Variants in SPPL3 observed in about 807,000 individuals in gnomAD.
SPPL3 encodes the protein signal peptide peptidase like 3.
Under a neutral mutation model 42.4 loss-of-function variants are expected in SPPL3, and 5 were observed. That is an observed-to-expected ratio of 0.12 (90% confidence interval 0.06 to 0.25). The LOEUF is 0.25. SPPL3 is among the 10% of genes least tolerant of loss of function. The pLI is 1.00. For missense variants in SPPL3, 235 were observed against 489.0 expected (o/e 0.48, Z 4.90); for synonymous variants, 195 against 181.8 (o/e 1.07, Z -0.58).
At chr12:120,835,425 G>C (rs941317920) in intron 1 of SPPL3, 2 of 152,234 alleles carry the variant, frequency 1.3e-5, no homozygotes, top group African/African-American at 4.8e-5. Context: ...GTTAGTCATA[G>C]ATGTTATACA....
At chr12:120,770,976 C>G (rs755919029) in intron 6 of SPPL3, among the ~76,000 whole-genome samples, 1 of 152,172 alleles carries the variant, frequency 6.6e-6, no homozygotes, top group African/African-American at 2.4e-5. Flanking sequence ...TCCAATTGTG[C>G]AGACGGAAAT....
chr12:120,839,826 A>G (rs1231406953), intron 1 of SPPL3, among the ~76,000 whole-genome samples: 1 of 152,198 alleles, frequency 6.6e-6, no homozygotes, highest in Non-Finnish European at 1.5e-5. Flanking sequence ...AGTCAAGAGA[A>G]TTGAAAACAC....
chr12:120,894,726 ACC>A (rs1414816185), intron 1 of SPPL3, among the ~76,000 whole-genome samples: 2 of 152,046 alleles, frequency 1.3e-5, no homozygotes, highest in African/African-American at 4.8e-5. Flanking sequence ...CGGGTGGATC[ACC>A]TGAGGTCGGG....
intron 6 of SPPL3, among the ~76,000 whole-genome samples, chr12:120,773,897 T>C (rs1212571846): frequency 2.6e-5 from 4 of 152,202 alleles, no homozygotes; most frequent in African/African-American, 9.6e-5. Context: ...GGCCGCCGCG[T>C]CTGGCCCTTC....
chr12:120,893,128 T>C lies in SPPL3; in HGVS notation c.23+10717A>G, dbSNP rs1034954386. On this transcript the variant is annotated intron_variant, in intron 1 of 10. Coordinates refer to ENST00000353487, the MANE Select transcript of SPPL3 (RefSeq NM_139015.5). ...AAACCCTTAATAATTCTTTAAAAGGTAGAAATCTCTAAACTGAAACTACAG... is the reference window on the plus strand; with the variant it reads ...AAACCCTTAATAATTCTTTAAAAGGCAGAAATCTCTAAACTGAAACTACAG... 9.9e-5 allele frequency among the ~76,000 whole-genome samples: 15 copies of C among 151,682 alleles called. 1 individual carries two copies. The Middle Eastern group carries it at 0.01, about 103-fold the overall frequency.
intron 1 of SPPL3, among the ~76,000 whole-genome samples, chr12:120,894,761 T>C (rs1873748435): frequency 6.6e-6 from 1 of 150,988 alleles, no homozygotes; most frequent in African/African-American, 2.4e-5. Context: ...GCCTGAGCAA[T>C]ATGGAGAAAC....
intron 6 of SPPL3, chr12:120,769,293 T>C (rs1869026670): frequency 2.5e-6 from 1 of 395,926 alleles, no homozygotes; most frequent in African/African-American, 2.0e-5. Context: ...AGTGCTCGGC[T>C]GTTGGAGACC....
intron 2 of SPPL3, among the ~76,000 whole-genome samples, chr12:120,792,206 G>C (rs1261315541): frequency 1.3e-5 from 2 of 152,302 alleles, no homozygotes; most frequent in African/African-American, 2.4e-5. Flanking sequence ...GAACAGGAAG[G>C]CCTCACTGAC....
intron 1 of SPPL3, among the ~76,000 whole-genome samples, chr12:120,878,613 C>T (rs779008252): frequency 2.6e-5 from 4 of 152,134 alleles, no homozygotes; most frequent in African/African-American, 9.7e-5. Flanking sequence ...TATATCACAG[C>T]TTATGTTTAT....
At chr12:120,788,416 A>C (rs549583860) in intron 3 of SPPL3, among the ~76,000 whole-genome samples, 55 of 152,326 alleles carry the variant, frequency 3.6e-4, no homozygotes, top group African/African-American at 1.3e-3. Flanking sequence ...GGCACCCTGC[A>C]GCGAGAAACT....
chr12:120,894,870 C>G (rs1314799579), intron 1 of SPPL3, among the ~76,000 whole-genome samples: 1 of 152,188 alleles, frequency 6.6e-6, no homozygotes, highest in South Asian at 2.1e-4. Flanking sequence ...TCCCTTGAAC[C>G]CGGGAGGTGG....
At chr12:120,830,015 G>C (rs946894644) in intron 1 of SPPL3, among the ~76,000 whole-genome samples, 7 of 149,758 alleles carry the variant, frequency 4.7e-5, no homozygotes, top group Admixed American at 4.6e-4. Flanking sequence ...AAAAAGAAGA[G>C]TAAATTTCAC....
At chr12:120,832,761 C>G (rs1389683541) in intron 1 of SPPL3, among the ~76,000 whole-genome samples, 2 of 152,188 alleles carry the variant, frequency 1.3e-5, no homozygotes, top group Non-Finnish European at 2.9e-5. Context: ...ATTGCCCTCA[C>G]AGCAGGTCCA....
intron 1 of SPPL3, among the ~76,000 whole-genome samples, chr12:120,872,606 C>T (rs1321404989): frequency 1.3e-5 from 2 of 152,126 alleles, no homozygotes; most frequent in East Asian, 3.8e-4. Context: ...CTCCGGAGGT[C>T]TGGCAGAAGG....
intron 1 of SPPL3, among the ~76,000 whole-genome samples, chr12:120,820,281 G>A (rs1036632363): frequency 3.6e-4 from 55 of 150,708 alleles, no homozygotes; most frequent in African/African-American, 1.3e-3. Flanking sequence ...TGTTGAAATA[G>A]GACTTAATTT....
At chr12:120,786,279 A>G (rs982432660) in intron 3 of SPPL3, among the ~76,000 whole-genome samples, 4 of 152,234 alleles carry the variant, frequency 2.6e-5, no homozygotes, top group African/African-American at 4.8e-5. Context: ...AAGTGTATCC[A>G]TTAGACAAAA....
intron 1 of SPPL3, among the ~76,000 whole-genome samples, chr12:120,851,745 A>C (rs1872231885): frequency 6.6e-6 from 1 of 152,088 alleles, no homozygotes; most frequent in Non-Finnish European, 1.5e-5. Flanking sequence ...CTGGGACTAC[A>C]GGTGAGCGCT....
At chr12:120,766,429 G>A in intron 9 of SPPL3, 57 bp from the exon 10 acceptor site, 4 of 1,423,016 alleles carry the variant, frequency 2.8e-6, no homozygotes, top group Non-Finnish European at 3.8e-6. Context: ...TCACCTGGCT[G>A]CTGCTGGGCA....
Position 120,904,304 on chromosome 12 carries a change from G to C in SPPL3, c.-437C>G, listed in dbSNP as rs1466703515. 1.2e-5 allele frequency: 2 copies of C among 166,522 alleles called. No individual in the cohort carries two copies. The highest frequency in any genetic ancestry group is 2.6e-5 in the Non-Finnish European group (2 of 78,238). The allele number at this position is 166,522 out of a possible 1,614,324, so 10.3% of individuals were successfully genotyped here. On this transcript the variant is annotated 5_prime_UTR_variant, in exon 1 of 11. Coordinates refer to ENST00000353487, the MANE Select transcript of SPPL3 (RefSeq NM_139015.5). Reference sequence around the variant, plus strand: ...CCGGCGGGCGGAGGCGGCGGCGACTGAGGGGGGCGCTAGGCGATGAGGCGA... The same window carrying C: ...CCGGCGGGCGGAGGCGGCGGCGACTCAGGGGGGCGCTAGGCGATGAGGCGA...
Sources: allele counts gnomAD v4.1 joint callset (sites outside exome capture counted in the v4.1 genomes callset), GRCh38; gene constraint gnomAD v4.1.1; transcripts MANE v1.5; gene names NCBI Gene and HGNC (gene_info 2026-07-23, HGNC 2026-07-21).